Variants in NCALD observed in about 807,000 individuals in gnomAD.
NCALD encodes neurocalcin-delta.
A neutral mutation model predicts 18.6 loss-of-function variants in NCALD; 10 were observed. The ratio of observed to expected loss-of-function variants is 0.54; its 90% CI spans 0.33 to 0.91. The LOEUF (loss-of-function observed/expected upper bound fraction) is 0.91, where lower values mean the gene tolerates loss of function less well. NCALD is among the 40% of genes least tolerant of loss of function. The pLI, the probability that NCALD is intolerant of heterozygous loss-of-function variation, is 0.03. For synonymous variants in NCALD, 88 were observed against 87.4 expected, an observed-to-expected ratio of 1.01 and a Z score of -0.04; for missense variants, 184 against 247.6, an observed-to-expected ratio of 0.74 and a Z score of 1.72.
chr8:101,866,832 T>C (rs999024906), intron 4 of NCALD, among the ~76,000 whole-genome samples: 4 of 152,168 alleles, frequency 2.6e-5, no homozygotes, highest in African/African-American at 9.7e-5. Context: ...TTACCCTCTT[T>C]AGCCTCTTCA....
At chr8:101,878,640 A>G (rs1481488905) in intron 4 of NCALD, among the ~76,000 whole-genome samples, 1 of 152,248 alleles carries the variant, frequency 6.6e-6, no homozygotes, top group Admixed American at 6.5e-5. Context: ...ACTTATAAGG[A>G]GGTCATACCA....
intron 1 of NCALD, among the ~76,000 whole-genome samples, chr8:102,116,722 G>A (rs1264277900): frequency 1.3e-5 from 2 of 152,038 alleles, no homozygotes; most frequent in African/African-American, 4.8e-5. Flanking sequence ...TGGCCAGGCT[G>A]TTTTTGAACT....
chr8:101,871,607 A>G (rs1241515827), intron 4 of NCALD, among the ~76,000 whole-genome samples: 2 of 149,606 alleles, frequency 1.3e-5, no homozygotes, highest in African/African-American at 2.5e-5. Flanking sequence ...TGCCATACCA[A>G]TAGCTGGTTT....
chr8:101,967,682 C>T (rs979990091), intron 2 of NCALD, among the ~76,000 whole-genome samples: 2 of 152,134 alleles, frequency 1.3e-5, no homozygotes, highest in African/African-American at 4.8e-5. Flanking sequence ...TTATCAATGC[C>T]AGCAAGAGTT....
intron 4 of NCALD, among the ~76,000 whole-genome samples, chr8:101,877,310 T>C (rs1436419106): frequency 1.3e-5 from 2 of 152,228 alleles, no homozygotes; most frequent in Non-Finnish European, 2.9e-5. Context: ...GAAGGTTGCT[T>C]AGGGTGAGCT....
intron 1 of NCALD, among the ~76,000 whole-genome samples, chr8:101,723,677 A>G (rs1816458491): frequency 6.6e-6 from 1 of 152,180 alleles, no homozygotes; most frequent in Non-Finnish European, 1.5e-5. Context: ...ATAGCACAAT[A>G]AGGTTTTCGC....
At chr8:101,749,106 A>G (rs1320970683) in intron 1 of NCALD, among the ~76,000 whole-genome samples, 1 of 152,228 alleles carries the variant, frequency 6.6e-6, no homozygotes, top group Non-Finnish European at 1.5e-5. Flanking sequence ...AACTTCCCGA[A>G]GCCAATGCTT....
intron 1 of NCALD, among the ~76,000 whole-genome samples, chr8:101,786,688 A>G (rs576258950): frequency 7.2e-5 from 11 of 152,350 alleles, no homozygotes; most frequent in South Asian, 2.1e-4. Context: ...TCATCCTTGC[A>G]TAAAAGCAAT....
intron 2 of NCALD, among the ~76,000 whole-genome samples, chr8:101,698,631 AT>A (rs1815114609): frequency 6.6e-6 from 1 of 152,204 alleles, no homozygotes; most frequent in African/African-American, 2.4e-5. Context: ...AACACCACAC[AT>A]CTACAACCAT....
At chr8:101,914,859 C>T (rs1478421947) in intron 3 of NCALD, among the ~76,000 whole-genome samples, 2 of 152,272 alleles carry the variant, frequency 1.3e-5, no homozygotes, top group Admixed American at 1.3e-4. Context: ...CTCCAAGGAA[C>T]CCTGGTTCAT....
Position 101,910,879 on chromosome 8 carries a change from CTTTCCTAAGAA to C in NCALD, c.-107+4919_-107+4929del, listed in dbSNP as rs1817771334. On this transcript the variant is annotated intron_variant, in intron 3 of 6. Coordinates refer to the NCALD transcript ENST00000311028. ...GCAACGACCCTGAGAAATCCTAAGA[CTTTCCTAAGAA>C]TTTAGCCCTGATCAACAATCACTTT... 3.9e-5 allele frequency among the ~76,000 whole-genome samples: 6 copies of C among 152,300 alleles called. No individual in the cohort carries two copies. In the South Asian group the frequency reaches 1.2e-3, roughly 32 times the overall value.
chr8:101,792,059 G>A (rs1265740163), upstream of NCALD, among the ~76,000 whole-genome samples: 1 of 152,128 alleles, frequency 6.6e-6, no homozygotes, highest in Non-Finnish European at 1.5e-5. Flanking sequence ...AAGACATTCA[G>A]AAAATGTATG....
intron 1 of NCALD, among the ~76,000 whole-genome samples, chr8:102,106,699 A>C (rs149594352): frequency 3.3e-5 from 5 of 152,136 alleles, no homozygotes; most frequent in African/African-American, 1.2e-4. Flanking sequence ...CTCCTCTTAA[A>C]TTGCAGTCTA....
intron 1 of NCALD, chr8:102,123,953 C>T (rs1315681188): frequency 6.5e-6 from 1 of 152,774 alleles, no homozygotes; most frequent in Non-Finnish European, 1.5e-5. Context: ...TGCAAAGTTG[C>T]TCTCTCCTTT....
chr8:101,726,744 A>G (rs1236295255), intron 1 of NCALD, among the ~76,000 whole-genome samples: 1 of 152,148 alleles, frequency 6.6e-6, no homozygotes, highest in Non-Finnish European at 1.5e-5. Flanking sequence ...GGCGATATAA[A>G]TTTGGTAGTC....
At chr8:101,997,464 G>T (rs905957406) in intron 2 of NCALD, among the ~76,000 whole-genome samples, 1 of 152,010 alleles carries the variant, frequency 6.6e-6, no homozygotes, top group African/African-American at 2.4e-5. Flanking sequence ...GGTTAAATAA[G>T]ACAAAAACAT....
chr8:101,774,981 T>C (rs560356833), intron 1 of NCALD, among the ~76,000 whole-genome samples: 1 of 152,314 alleles, frequency 6.6e-6, no homozygotes, highest in Non-Finnish European at 1.5e-5. Context: ...TCTGTGCCAG[T>C]TCTGTTGGGA....
At chr8:101,863,593 T>C (rs569787) in intron 4 of NCALD, among the ~76,000 whole-genome samples, 40,478 of 152,094 alleles carry the variant, frequency 0.27, 5,812 homozygotes, top group East Asian at 0.38. Flanking sequence ...TAGAGATGCT[T>C]CTGTGGGAGG....
At chr8:101,690,770 G>T (rs953179104) in intron 3 of NCALD, 6 of 985,356 alleles carry the variant, frequency 6.1e-6, no homozygotes, top group Non-Finnish European at 7.2e-6. Flanking sequence ...TATGAGCCCA[G>T]CCCTGCCCAC....
Sources: gnomAD v4.1 joint callset for allele counts (sites outside exome capture counted in the v4.1 genomes callset) on GRCh38, gnomAD v4.1.1 for gene constraint, MANE v1.5 for transcripts, NCBI Gene and HGNC (gene_info 2026-07-23, HGNC 2026-07-21) for gene names.